Variants in CNPY3 observed in about 807,000 individuals in gnomAD.
CNPY3 encodes canopy FGF signaling regulator 3.
CNPY3 carries 20 observed loss-of-function variants against 32.0 expected under a neutral mutation model. That is an observed-to-expected ratio of 0.63 (90% CI 0.44 to 0.91). The LOEUF (loss-of-function observed/expected upper bound fraction) is 0.91. Ranked by LOEUF, CNPY3 falls within the 40% of genes least tolerant of loss-of-function variation. The pLI is 0.00. For synonymous variants in CNPY3, 138 were observed against 142.9 expected (o/e 0.97, Z 0.24); for missense variants, 299 against 340.8 (o/e 0.88, Z 0.97).
chr6:42,934,396 C>G (rs1768061429), intron 1 of CNPY3, 79 bp from the exon 2 acceptor site: 3 of 1,578,044 alleles, frequency 1.9e-6, no homozygotes, highest in East Asian at 4.5e-5. Flanking sequence ...AGGATGCCCA[C>G]CTGGATCTGT....
chr6:42,933,836 T>C (rs1398159801), intron 1 of CNPY3, among the ~76,000 whole-genome samples: 2 of 152,208 alleles, frequency 1.3e-5, no homozygotes, highest in African/African-American at 4.8e-5. Flanking sequence ...AGGTATTCAT[T>C]GTGTTCTTTC....
intron 2 of CNPY3, 81 bp downstream of exon 2, chr6:42,934,679 G>A (rs1768089297): frequency 1.3e-6 from 2 of 1,586,262 alleles, no homozygotes; most frequent in Non-Finnish European, 1.7e-6. Flanking sequence ...CTCCTAGCTA[G>A]GCAAACCCCC....
intron 2 of CNPY3, 32 bp downstream of exon 2, chr6:42,934,630 G>A (rs1437686808): frequency 6.2e-6 from 10 of 1,612,502 alleles, no homozygotes; most frequent in Admixed American, 1.7e-5. Flanking sequence ...GGCCTGGCCT[G>A]CGTTGCTGCT....
chr6:42,935,660 G>A lies in CNPY3; in HGVS notation c.362G>A (p.Arg121Gln), dbSNP rs761023974. 3 of 1,609,018 alleles carry A rather than the reference G, an allele frequency of 1.9e-6. No individual in the cohort carries two copies. Among genetic ancestry groups the A allele is most frequent in the Non-Finnish European group, 2.6e-6 (3 of 1,176,054 alleles). ...SLHKERTGSNRFAKGMSETFE... is the reference protein window; with the variant it reads ...SLHKERTGSNQFAKGMSETFE... ...CACAAGGAGAGGACCGGCAGCAATC[G>A]ATTTGCCAAGGTTGGATTCGGGATT... Residue 121 changes from arginine (R) to glutamine (Q), a missense_variant, in exon 3 of 6, where the codon CGA becomes CAA. Arg to Gln is a conservative substitution (Grantham distance 43). Coordinates refer to ENST00000372836, the MANE Select transcript of CNPY3 (RefSeq NM_006586.5).
rs1768080171 is a variant in CNPY3 at position 42,934,599 on chromosome 6, G to A, written c.275+1G>A. 2 of 1,613,718 alleles carry A rather than the reference G, an allele frequency of 1.2e-6. No homozygotes were observed. The highest frequency in any genetic ancestry group is 1.7e-6 in the Non-Finnish European group (2 of 1,179,916). On this transcript the variant is annotated splice_donor_variant, in intron 2 of 5. Transcript: ENST00000372836. LOFTEE classifies it high-confidence loss of function. ...CCTCTGGAGTCAAATACACCAAGTC[G>A]TAAGTGAATGGGGACTCACTGGCCT...
intron 1 of CNPY3, among the ~76,000 whole-genome samples, chr6:42,933,748 A>G (rs1045524820): frequency 1.3e-5 from 2 of 152,208 alleles, no homozygotes; most frequent in African/African-American, 4.8e-5. Flanking sequence ...AAAGAAATGT[A>G]TATATTGTTG....
chr6:42,934,485 T>C lies in CNPY3; in HGVS notation c.162T>C (p.Tyr54=), dbSNP rs146093552. The change falls in exon 2 of 6, where the codon TAT becomes TAC. Residue 54 remains tyrosine, a synonymous_variant. Transcript: ENST00000372836. ...RLPSKCEVCK[Y]VAVELKSAFE... ...ACCTCCCTCCCCCAGTGTGTAAATA[T>C]GTTGCTGTGGAGCTGAAGTCAGCCT... 6.1e-5 allele frequency: 98 copies of C among 1,613,902 alleles called. No individual in the cohort carries two copies. The highest frequency in any genetic ancestry group is 1.5e-4 in the Admixed American group (9 of 59,978).
chr6:42,935,514 G>A, intron 2 of CNPY3, 60 bp from the exon 3 acceptor site: 5 of 1,570,140 alleles, frequency 3.2e-6, no homozygotes, highest in Non-Finnish European at 4.4e-6. Context: ...TGGAGGGACA[G>A]ACCACTAACC....
Position 42,929,509 on chromosome 6 carries a change from C to T in CNPY3, c.-62C>T. The T allele has an allele frequency of 2.0e-6, 3 of 1,487,042 alleles. No homozygotes were observed. The highest frequency in any genetic ancestry group is 2.7e-6 in the Non-Finnish European group (3 of 1,113,150). The allele number at this position is 1,487,042 out of a possible 1,614,324, so 92.1% of individuals were successfully genotyped here. On this transcript the variant is annotated 5_prime_UTR_variant, in exon 1 of 6. Coordinates refer to ENST00000372836, the MANE Select transcript of CNPY3 (RefSeq NM_006586.5). ...TCCCGGAAGCGGCGAGGGGAAACTG[C>T]TCCGCGCGCGCCGCGGGAGGAGGAA...
chr6:42,929,718 G>T lies in CNPY3; in HGVS notation c.148G>T (p.Glu50Ter), dbSNP rs772821931. The change falls in exon 1 of 6, where the codon GAA (glutamate) becomes TAA (stop). Residue 50 changes from glutamate (E) to a stop codon, truncating the protein, a stop_gained. Coordinates refer to ENST00000372836, the MANE Select transcript of CNPY3 (RefSeq NM_006586.5). LOFTEE classifies it high-confidence loss of function. ...NDWVRLPSKC[E>*]VCKYVAVELK... ...CTGGGTTCGCCTGCCCAGCAAATGC[G>T]AAGGTGAGGAGGCGGGGCCCGTGGG... 1.3e-6 allele frequency: 2 copies of T among 1,545,704 alleles called. No homozygotes were observed. Among genetic ancestry groups the T allele is most frequent in the Non-Finnish European group, 1.7e-6 (2 of 1,143,762 alleles).
intron 2 of CNPY3, among the ~76,000 whole-genome samples, chr6:42,935,049 G>A (rs1768117681): frequency 6.6e-6 from 1 of 152,006 alleles, no homozygotes; most frequent in African/African-American, 2.4e-5. Context: ...TATTTTTTTA[G>A]TAGAGATGGA....
chr6:42,937,599 G>A, intron 3 of CNPY3, 118 bp from the exon 4 acceptor site: 1 of 1,073,640 alleles, frequency 9.3e-7, no homozygotes, highest in South Asian at 1.5e-5. Flanking sequence ...AAAAGGATGA[G>A]GATCCTTAGA....
Position 42,929,502 on chromosome 6 carries a change from GA to G in CNPY3, c.-66del. The G allele has an allele frequency of 6.8e-7, 1 of 1,470,786 alleles. No homozygotes were observed. Among genetic ancestry groups the G allele is most frequent in the South Asian group, 1.3e-5 (1 of 76,230 alleles). 91.1% of individuals were successfully genotyped at this position (1,470,786 alleles called of 1,614,324 possible). On this transcript the variant is annotated 5_prime_UTR_variant, in exon 1 of 6. Transcript: ENST00000372836. ...TGTGCAGTCCCGGAAGCGGCGAGGG[GA>G]AACTGCTCCGCGCGCGCCGCGGGAG... is the stretch of plus-strand genomic sequence containing the variant.
In CNPY3 at chr6:42,938,773, C is replaced by T. The variant is rs1394369375; in HGVS notation, c.819C>T (p.Ser273=). Residue 273 remains serine (S), a synonymous_variant, in exon 6 of 6, where the codon AGC becomes AGT. Coordinates refer to ENST00000372836, the MANE Select transcript of CNPY3 (RefSeq NM_006586.5). Reference sequence around the variant, plus strand: ...AGAAGGCATCCCCTCTCACACACAGCCCCCCTGATGAGCTCTGAGCCCACC... The same window carrying T: ...AGAAGGCATCCCCTCTCACACACAGTCCCCCTGATGAGCTCTGAGCCCACC... ...GIQKASPLTH[S]PPDEL 6.2e-7 allele frequency: 1 copy of T among 1,611,312 alleles called. No individual in the cohort carries two copies.
rs1425120253 is a variant in CNPY3 at position 42,938,188 on chromosome 6, G to A, written c.594G>A (p.Val198=). ...CTGAATTCCTCTGCGCCAACCACGT[G>A]CTGAAGGGAAAAGACACCAGTGAGT... ...DLTEFLCANH[V]LKGKDTSCLA... Residue 198 remains valine (V), a synonymous_variant, in exon 5 of 6, where the codon GTG becomes GTA. Transcript: ENST00000372836. 3 of 1,613,822 alleles carry A rather than the reference G, an allele frequency of 1.9e-6. No individual in the cohort carries two copies. The highest frequency in any genetic ancestry group is 2.2e-5 in the East Asian group (1 of 44,898).
upstream of CNPY3, among the ~76,000 whole-genome samples, chr6:42,928,133 G>T (rs1238426055): frequency 6.6e-6 from 1 of 151,856 alleles, no homozygotes; most frequent in Admixed American, 6.6e-5. Flanking sequence ...GATTACAGGC[G>T]TGTGCCACCA....
intron 2 of CNPY3, 21 bp downstream of exon 2, chr6:42,934,619 T>TTA (rs769143809): frequency 5.6e-6 from 9 of 1,612,972 alleles, no homozygotes; most frequent in Non-Finnish European, 7.6e-6. Flanking sequence ...GGGGACTCAC[T>TTA]GGCCTGGCCT....
At position 42,938,657 on chromosome 6, in the gene CNPY3, G is replaced by T; in HGVS notation, c.703G>T (p.Ala235Ser). 6.2e-7 allele frequency: 1 copy of T among 1,613,194 alleles called. No individual in the cohort carries two copies. Residue 235 changes from alanine (A) to serine (S), a missense_variant, in exon 6 of 6, where the codon GCA (alanine) becomes TCA (serine). Transcript: ENST00000372836. Reference protein sequence around the residue: ...KSKKKSSRAKAAGGRSSSSKQ... With the variant: ...KSKKKSSRAKSAGGRSSSSKQ... Reference sequence around the variant, plus strand: ...CAAGAAGAAGAGCAGCAGGGCCAAGGCAGCAGGCGGCAGGAGTAGCAGCAG... The same window carrying T: ...CAAGAAGAAGAGCAGCAGGGCCAAGTCAGCAGGCGGCAGGAGTAGCAGCAG...
At chr6:42,938,314 A>T (rs1768377773) in intron 5 of CNPY3, 107 bp downstream of exon 5, 1 of 913,772 alleles carries the variant, frequency 1.1e-6, no homozygotes, top group East Asian at 2.4e-5. Context: ...GCATTGTAGG[A>T]TCTCTGCCCT....
Sources: allele counts gnomAD v4.1 joint callset (sites outside exome capture counted in the v4.1 genomes callset), GRCh38; gene constraint gnomAD v4.1.1; transcripts MANE v1.5; gene names NCBI Gene and HGNC (gene_info 2026-07-23, HGNC 2026-07-21).